RPA3: variants seen among roughly 807,000 people sequenced by gnomAD.
The protein encoded by RPA3 is replication protein A3.
RPA3 carries 24 observed loss-of-function variants against 13.7 expected under a neutral mutation model. The ratio of observed to expected loss-of-function variants is 1.75; its 90% CI spans 1.27 to 2.46. The LOEUF (loss-of-function observed/expected upper bound fraction) is 2.46. RPA3 is among the 30% of genes most tolerant of loss of function. The pLI is 0.00. For synonymous variants in RPA3, 59 were observed against 51.2 expected, an observed-to-expected ratio of 1.15 and a Z score of -0.65; for missense variants, 183 against 151.0, an observed-to-expected ratio of 1.21 and a Z score of -1.11.
intron 2 of RPA3, among the ~76,000 whole-genome samples, chr7:7,704,631 G>C (rs1430613697): frequency 2.0e-5 from 3 of 150,460 alleles, no homozygotes; most frequent in Admixed American, 1.3e-4. Context: ...AGCTGGGCAT[G>C]GTCATGCACG....
intron 7 of RPA3, among the ~76,000 whole-genome samples, 177 bp from the exon 8 acceptor site, chr7:7,637,259 G>C (rs903658002): frequency 2.6e-5 from 4 of 152,028 alleles, no homozygotes; most frequent in Admixed American, 2.0e-4. Flanking sequence ...AAAAGACATG[G>C]GAGTACCATC....
At chr7:7,686,202 G>T (rs969853560) in intron 3 of RPA3, among the ~76,000 whole-genome samples, 1 of 152,176 alleles carries the variant, frequency 6.6e-6, no homozygotes, top group East Asian at 1.9e-4. Context: ...GGCAGATTGT[G>T]TAAAGTTATA....
chr7:7,704,172 GT>G (rs1563138544), intron 2 of RPA3, among the ~76,000 whole-genome samples: 1 of 152,000 alleles, frequency 6.6e-6, no homozygotes, highest in Non-Finnish European at 1.5e-5. Flanking sequence ...AAGGCCAACT[GT>G]TTTCTGTTGA....
At chr7:7,644,006 G>A (rs1025902852) in intron 4 of RPA3, among the ~76,000 whole-genome samples, 2 of 152,038 alleles carry the variant, frequency 1.3e-5, no homozygotes, top group African/African-American at 2.4e-5. Flanking sequence ...TTGGATCTCT[G>A]CCACTAGTAA....
Position 7,637,085 on chromosome 7 carries a change from G to A in RPA3, c.284-3C>T, listed in dbSNP as rs1171091076. On this transcript the variant is annotated splice_polypyrimidine_tract_variant and splice_region_variant and intron_variant, in intron 7 of 7. Transcript: ENST00000223129. ...AGCTTCATTGTAAAGTCCAAGATCT[G>A]AAAGAAACATTTAAGCAAACATTTA... The A allele has an allele frequency of 4.4e-6, 7 of 1,595,264 alleles. No individual in the cohort carries two copies. The highest frequency in any genetic ancestry group is 2.2e-5 in the East Asian group (1 of 44,654).
chr7:7,685,786 G>A lies in RPA3; in HGVS notation c.-758+44C>T, dbSNP rs28915968. On this transcript the variant is annotated intron_variant, in intron 4 of 7. Coordinates refer to ENST00000223129, the MANE Select transcript of RPA3 (RefSeq NM_002947.5). ...TGATCTGAAAAAGAAAAAAATTTAA[G>A]TGTTTTCTTCCTTCATTATATCATG... is the stretch of plus-strand genomic sequence containing the variant. 3.3e-5 allele frequency: 5 copies of A among 152,284 alleles called. No individual in the cohort carries two copies. In the East Asian group the frequency reaches 7.7e-4, roughly 23 times the overall value. 9.4% of individuals were successfully genotyped at this position (152,284 alleles called of 1,614,324 possible).
At chr7:7,637,118 A>G in intron 7 of RPA3, 36 bp from the exon 8 acceptor site, 1 of 1,394,152 alleles carries the variant, frequency 7.2e-7, no homozygotes, top group Non-Finnish European at 1.0e-6. Flanking sequence ...TTAATCTACA[A>G]TGGAAAGTTG....
At chr7:7,674,624 G>C (rs1779691798) in intron 4 of RPA3, among the ~76,000 whole-genome samples, 1 of 152,022 alleles carries the variant, frequency 6.6e-6, no homozygotes, top group Admixed American at 6.6e-5. Flanking sequence ...GATTTTTCTG[G>C]GTAGCCTTCT....
chr7:7,636,606 A>T lies in RPA3; in HGVS notation c.*394T>A, dbSNP rs919873648. The T allele has an allele frequency of 2.4e-5, 4 of 163,982 alleles. No individual in the cohort carries two copies. Among genetic ancestry groups the T allele is most frequent in the Admixed American group, 6.4e-5 (1 of 15,556 alleles). 10.2% of individuals were successfully genotyped at this position (163,982 alleles called of 1,614,324 possible). A position where few individuals can be genotyped will look rare whatever the true frequency, so the allele number is the denominator to read the frequency against. On this transcript the variant is annotated 3_prime_UTR_variant, in exon 8 of 8. Transcript: ENST00000223129. ...GAAAAGGTGAGCAAATCCTTAACAC[A>T]GCTGGCCCAAGGTTTTATTTGGTAG...
At chr7:7,661,515 T>G (rs1785473647) in intron 4 of RPA3, among the ~76,000 whole-genome samples, 1 of 152,218 alleles carries the variant, frequency 6.6e-6, no homozygotes, top group African/African-American at 2.4e-5. Context: ...ATTTTGTTGA[T>G]GTTGATGCTC....
chr7:7,703,492 T>A (rs1780519466), intron 2 of RPA3, among the ~76,000 whole-genome samples: 1 of 152,228 alleles, frequency 6.6e-6, no homozygotes, highest in East Asian at 1.9e-4. Context: ...ATATAGCACA[T>A]ACACATAATT....
At chr7:7,670,345 G>T (rs1280230591) in intron 4 of RPA3, among the ~76,000 whole-genome samples, 1 of 152,128 alleles carries the variant, frequency 6.6e-6, no homozygotes, top group Non-Finnish European at 1.5e-5. Context: ...ACTTCGTAAA[G>T]GGTCTCTCTA....
chr7:7,643,928 G>A (rs772893071), intron 4 of RPA3, among the ~76,000 whole-genome samples: 1 of 151,818 alleles, frequency 6.6e-6, no homozygotes, highest in Non-Finnish European at 1.5e-5. Flanking sequence ...AAATTTTTTC[G>A]TCTGAGGAGG....
At chr7:7,659,483 C>T (rs974540902) in intron 4 of RPA3, among the ~76,000 whole-genome samples, 1 of 152,052 alleles carries the variant, frequency 6.6e-6, no homozygotes, top group Non-Finnish European at 1.5e-5. Flanking sequence ...TAGATGTGTC[C>T]CAGGGATTCT....
In RPA3 at chr7:7,715,482, G is replaced by A. The variant is rs993788345; in HGVS notation, c.-1079-256C>T. ...TTATTTCAATAATTAATGCTTCCAT[G>A]AAATTATATAAACATTCATGCATTC... On this transcript the variant is annotated intron_variant, in intron 1 of 7. Coordinates refer to ENST00000223129, the MANE Select transcript of RPA3 (RefSeq NM_002947.5). Among the ~76,000 whole-genome samples the A allele has an allele frequency of 2.4e-4, 36 of 152,184 alleles. 1 individual carries two copies. Among genetic ancestry groups the A allele is most frequent in the Non-Finnish European group, 1.5e-5 (1 of 68,032 alleles).
intron 4 of RPA3, among the ~76,000 whole-genome samples, chr7:7,646,692 G>A (rs1160376236): frequency 1.3e-5 from 2 of 151,920 alleles, no homozygotes; most frequent in African/African-American, 4.8e-5. Flanking sequence ...GAGAGGGGAT[G>A]GAGTGGGAAG....
At chr7:7,677,706 C>G (rs1779781810) in intron 4 of RPA3, among the ~76,000 whole-genome samples, 1 of 131,462 alleles carries the variant, frequency 7.6e-6, no homozygotes, top group South Asian at 2.4e-4. Context: ...CGGAGTCTCG[C>G]TCTGTCGCCC....
chr7:7,642,677 CG>C (rs1271136406), intron 4 of RPA3, among the ~76,000 whole-genome samples: 3 of 152,020 alleles, frequency 2.0e-5, no homozygotes, highest in African/African-American at 7.2e-5. Flanking sequence ...TATAGCTAGC[CG>C]ATTTGCATAG....
intron 1 of RPA3, among the ~76,000 whole-genome samples, chr7:7,717,441 A>G (rs995222454): frequency 1.5e-4 from 23 of 152,246 alleles, no homozygotes; most frequent in East Asian, 3.8e-4. Context: ...GCGTGAGACG[A>G]TAACCTCAGG....
Sources: allele counts gnomAD v4.1 joint callset (sites outside exome capture counted in the v4.1 genomes callset), GRCh38; gene constraint gnomAD v4.1.1; transcripts MANE v1.5; gene names NCBI Gene and HGNC (gene_info 2026-07-23, HGNC 2026-07-21).